The following DLG2 variants were observed in gnomAD, a reference collection of about 807,000 sequenced individuals.
DLG2 encodes discs large MAGUK scaffold protein 2.
A neutral mutation model predicts 132.5 loss-of-function variants in DLG2; 45 were observed. The ratio of observed to expected loss-of-function variants is 0.34; its 90% confidence interval spans 0.27 to 0.44. The LOEUF is 0.44. DLG2 is among the 20% of genes least tolerant of loss of function. DLG2 has a pLI of 1.00. For missense variants in DLG2, 1,045 were observed against 1,196.9 expected, an observed-to-expected ratio of 0.87 and a Z score of 1.87; for synonymous variants, 424 against 419.6, an observed-to-expected ratio of 1.01 and a Z score of -0.13.
chr11:83,539,364 G>C (rs995266916), intron 20 of DLG2, among the ~76,000 whole-genome samples: 2 of 151,826 alleles, frequency 1.3e-5, no homozygotes, highest in Admixed American at 1.3e-4. Context: ...AGCACTACTA[G>C]GTAAATTATA....
intron 6 of DLG2, among the ~76,000 whole-genome samples, chr11:84,687,785 C>T (rs1301225142): frequency 6.6e-6 from 1 of 152,024 alleles, no homozygotes; most frequent in Non-Finnish European, 1.5e-5. Flanking sequence ...TACATATACA[C>T]ATTAAATGTC....
chr11:83,887,213 A>C (rs1425230311), intron 15 of DLG2, among the ~76,000 whole-genome samples: 1 of 152,064 alleles, frequency 6.6e-6, no homozygotes, highest in East Asian at 1.9e-4. Flanking sequence ...AAGACTAATA[A>C]AGAAGAAAAG....
chr11:85,272,734 A>G (rs2077617927), intron 4 of DLG2, among the ~76,000 whole-genome samples: 1 of 152,226 alleles, frequency 6.6e-6, no homozygotes, highest in Non-Finnish European at 1.5e-5. Context: ...ATGACTCTTC[A>G]CAGAATTGGA....
intron 6 of DLG2, among the ~76,000 whole-genome samples, chr11:84,863,351 A>G (rs2084048603): frequency 6.6e-6 from 1 of 151,888 alleles, no homozygotes; most frequent in Admixed American, 6.6e-5. Context: ...TCCTGGATAA[A>G]CCTCTGTATT....
At chr11:84,561,458 C>G (rs2099428623) in intron 6 of DLG2, among the ~76,000 whole-genome samples, 2 of 152,086 alleles carry the variant, frequency 1.3e-5, no homozygotes, top group South Asian at 4.1e-4. Context: ...CTCTTCTGTG[C>G]TTTCCAAAGC....
chr11:84,903,599 C>A (rs2091166758), intron 6 of DLG2, among the ~76,000 whole-genome samples: 2 of 152,250 alleles, frequency 1.3e-5, no homozygotes, highest in East Asian at 3.9e-4. Flanking sequence ...ATAGTGTTAT[C>A]TCCATTTCAT....
intron 3 of DLG2, among the ~76,000 whole-genome samples, chr11:85,502,715 C>T (rs531116653): frequency 6.6e-6 from 1 of 151,992 alleles, no homozygotes; most frequent in Non-Finnish European, 1.5e-5. Flanking sequence ...GGCTTAAAAC[C>T]TAGATGATGG....
intron 3 of DLG2, among the ~76,000 whole-genome samples, chr11:85,447,896 T>C (rs2092080703): frequency 6.6e-6 from 1 of 152,188 alleles, no homozygotes; most frequent in Non-Finnish European, 1.5e-5. Context: ...TTTCCCAAAC[T>C]GATCTTAACC....
intron 19 of DLG2, among the ~76,000 whole-genome samples, chr11:83,553,801 A>G (rs1175109196): frequency 6.6e-6 from 1 of 152,134 alleles, no homozygotes; most frequent in Non-Finnish European, 1.5e-5. Flanking sequence ...AAAAAACCTA[A>G]AGAGATCCAG....
intron 11 of DLG2, among the ~76,000 whole-genome samples, chr11:83,994,690 G>C (rs1314787980): frequency 1.3e-5 from 2 of 152,082 alleles, no homozygotes; most frequent in African/African-American, 2.4e-5. Flanking sequence ...TCAATTCCAG[G>C]CTATCTTAGT....
At chr11:85,258,614 A>G (rs898765256) in intron 4 of DLG2, among the ~76,000 whole-genome samples, 7 of 152,218 alleles carry the variant, frequency 4.6e-5, no homozygotes, top group African/African-American at 1.7e-4. Flanking sequence ...AGCATATACC[A>G]GGTAACTTCT....
intron 19 of DLG2, among the ~76,000 whole-genome samples, chr11:83,589,783 A>G (rs2097155591): frequency 6.7e-6 from 1 of 148,800 alleles, no homozygotes; most frequent in African/African-American, 2.5e-5. Flanking sequence ...TCAAAATAAA[A>G]GGATGGAGGA....
chr11:83,962,932 C>A lies in DLG2; in HGVS notation c.1293G>T (p.Arg431Ser), dbSNP rs145476900. Residue 431 changes from arginine (R) to serine (S), a missense_variant, in exon 14 of 28, where the codon AGG becomes AGT. Around this residue, in one of 4 missense-constraint regions of DLG2, gnomAD observed 261 missense variants for 256.1 expected, o/e 1.02. Coordinates refer to ENST00000376104, the MANE Select transcript of DLG2 (RefSeq NM_001142699.3). ...KTSLPPISPGRYSPIPKHMLV... is the reference protein window; with the variant it reads ...KTSLPPISPGSYSPIPKHMLV... ...GCATGTGCTTTGGAATTGGTGAGTA[C>A]CTTCCTGGAGAGATGGGTGGCAGGG... 18 of 1,613,104 alleles carry A rather than the reference C, an allele frequency of 1.1e-5. No individual in the cohort carries two copies. Among genetic ancestry groups the A allele is most frequent in the East Asian group, 1.1e-4 (5 of 44,864 alleles).
At chr11:85,032,699 A>G (rs547980205) in intron 6 of DLG2, among the ~76,000 whole-genome samples, 17 of 152,306 alleles carry the variant, frequency 1.1e-4, no homozygotes, top group Admixed American at 2.6e-4. Flanking sequence ...TCTAGTTTTT[A>G]CCACCTAATT....
In DLG2 at chr11:85,029,539, G is replaced by A. The variant is rs568866083; in HGVS notation, c.357+82122C>T. ...ATATAATTGAGAATTCTCAGTGCTA[G>A]CAAATATCAGAAAAGAGAGTAAAGC... On this transcript the variant is annotated intron_variant, in intron 6 of 27. Transcript: ENST00000376104. 5.3e-5 allele frequency among the ~76,000 whole-genome samples: 8 copies of A among 152,268 alleles called. No homozygotes were observed. In the East Asian group the frequency reaches 1.5e-3, roughly 29 times the overall value.
intron 18 of DLG2, among the ~76,000 whole-genome samples, chr11:83,774,651 T>C (rs1375589003): frequency 1.3e-5 from 2 of 152,178 alleles, no homozygotes; most frequent in East Asian, 3.9e-4. Flanking sequence ...TGTGAAGCTC[T>C]TTGACCCTCT....
chr11:85,418,029 T>G (rs543953529), intron 3 of DLG2, among the ~76,000 whole-genome samples: 19 of 152,312 alleles, frequency 1.2e-4, no homozygotes, highest in African/African-American at 3.8e-4. Context: ...ATTGAGATGT[T>G]AGGGTGTCGA....
intron 16 of DLG2, among the ~76,000 whole-genome samples, chr11:83,860,563 A>G (rs1448919581): frequency 1.3e-5 from 2 of 152,218 alleles, no homozygotes; most frequent in African/African-American, 2.4e-5. Context: ...GGAAGTAACT[A>G]AAGTGCTTTT....
chr11:85,511,294 G>T (rs1302100177), intron 3 of DLG2, among the ~76,000 whole-genome samples: 1 of 151,846 alleles, frequency 6.6e-6, no homozygotes, highest in Non-Finnish European at 1.5e-5. Context: ...AATGGGTGCA[G>T]CATACCAACA....
Sources: allele counts gnomAD v4.1 joint callset (sites outside exome capture counted in the v4.1 genomes callset), GRCh38; gene constraint gnomAD v4.1.1; regional missense constraint gnomAD v4.1.1; transcripts MANE v1.5; gene names NCBI Gene and HGNC (gene_info 2026-07-23, HGNC 2026-07-21).